The following DLG2 variants were observed in gnomAD, a reference collection of about 807,000 sequenced individuals.
DLG2 encodes the protein discs large MAGUK scaffold protein 2.
DLG2 carries 45 observed loss-of-function variants against 132.5 expected under a neutral mutation model. The observed-to-expected ratio is 0.34, with a 90% CI of 0.27 to 0.44. The LOEUF is 0.44. DLG2 is among the 20% of genes least tolerant of loss of function. DLG2 has a pLI of 1.00. For missense variants in DLG2, 1,045 were observed against 1,196.9 expected (o/e 0.87, Z 1.87); for synonymous variants, 424 against 419.6 (o/e 1.01, Z -0.13).
intron 7 of DLG2, among the ~76,000 whole-genome samples, chr11:84,530,966 C>G (rs1399148898): frequency 6.6e-6 from 1 of 151,862 alleles, no homozygotes; most frequent in African/African-American, 2.4e-5. Context: ...GAGGCCAAGG[C>G]GGGAGGATCA....
intron 11 of DLG2, among the ~76,000 whole-genome samples, chr11:84,045,948 G>T (rs1323731368): frequency 6.6e-6 from 1 of 151,416 alleles, no homozygotes; most frequent in Non-Finnish European, 1.5e-5. Flanking sequence ...GAAAATTTTA[G>T]AGGAATTCTA....
intron 3 of DLG2, among the ~76,000 whole-genome samples, chr11:85,350,260 T>A (rs889251067): frequency 1.3e-5 from 2 of 152,196 alleles, no homozygotes; most frequent in African/African-American, 4.8e-5. Context: ...GATGCAGTTG[T>A]TTTTTTCTTG....
intron 2 of DLG2, among the ~76,000 whole-genome samples, chr11:85,614,876 A>G (rs1325872284): frequency 1.3e-5 from 2 of 152,242 alleles, no homozygotes; most frequent in Non-Finnish European, 2.9e-5. Flanking sequence ...AAGTGCTGGA[A>G]CCACAATGCA....
chr11:85,178,560 A>G (rs1374446110), intron 4 of DLG2, among the ~76,000 whole-genome samples: 1 of 152,004 alleles, frequency 6.6e-6, no homozygotes, highest in Non-Finnish European at 1.5e-5. Flanking sequence ...AAAAGGAATG[A>G]AAAAGATCTT....
At chr11:84,168,108 G>A (rs75741189) in intron 8 of DLG2, among the ~76,000 whole-genome samples, 1,843 of 152,308 alleles carry the variant, frequency 0.012, 33 homozygotes, top group African/African-American at 0.042. Flanking sequence ...GTCAAGAACA[G>A]TGACAGATAC....
chr11:84,247,750 C>T (rs147941397), intron 8 of DLG2, among the ~76,000 whole-genome samples: 1 of 152,102 alleles, frequency 6.6e-6, no homozygotes, highest in Non-Finnish European at 1.5e-5. Context: ...CATAAAAATT[C>T]CCTTTGGCCC....
At chr11:84,244,737 G>A (rs992094701) in intron 8 of DLG2, among the ~76,000 whole-genome samples, 5 of 152,064 alleles carry the variant, frequency 3.3e-5, no homozygotes, top group Non-Finnish European at 5.9e-5. Context: ...AATGTCCATG[G>A]GAAAAACCAC....
chr11:83,719,046 T>G (rs2087602872), intron 18 of DLG2, among the ~76,000 whole-genome samples: 1 of 152,312 alleles, frequency 6.6e-6, no homozygotes, highest in East Asian at 1.9e-4. Flanking sequence ...TCAGACCTAC[T>G]GAGTGAGAAT....
At chr11:84,626,979 C>G (rs1468310946) in intron 6 of DLG2, among the ~76,000 whole-genome samples, 1 of 151,976 alleles carries the variant, frequency 6.6e-6, no homozygotes, top group Non-Finnish European at 1.5e-5. Context: ...TCAAGTGATT[C>G]TCCTGCCCCA....
chr11:85,217,785 T>C (rs776560843), intron 4 of DLG2, among the ~76,000 whole-genome samples: 33 of 152,358 alleles, frequency 2.2e-4, no homozygotes, highest in Middle Eastern at 3.4e-3. Flanking sequence ...CCTATGTATC[T>C]GGTTTATTTA....
At chr11:84,678,264 C>T (rs925351119) in intron 6 of DLG2, among the ~76,000 whole-genome samples, 1 of 152,088 alleles carries the variant, frequency 6.6e-6, no homozygotes, top group Non-Finnish European at 1.5e-5. Flanking sequence ...ATGACACACA[C>T]TTCTTTTCTG....
chr11:83,903,351 C>G (rs12294501), intron 15 of DLG2, among the ~76,000 whole-genome samples: 14,651 of 151,958 alleles, frequency 0.096, 826 homozygotes, highest in Middle Eastern at 0.2. Flanking sequence ...CATTTTATAT[C>G]AAGAATATTT....
At chr11:85,506,000 T>G (rs1417619163) in intron 3 of DLG2, among the ~76,000 whole-genome samples, 1 of 152,260 alleles carries the variant, frequency 6.6e-6, no homozygotes, top group Non-Finnish European at 1.5e-5. Flanking sequence ...TTCTAATTTA[T>G]TTGCATAGAG....
At chr11:83,935,378 A>G (rs1351615764) in intron 14 of DLG2, among the ~76,000 whole-genome samples, 1 of 152,196 alleles carries the variant, frequency 6.6e-6, no homozygotes, top group Admixed American at 6.5e-5. Context: ...AAAAGTAATT[A>G]GGGGATAAAA....
At chr11:84,707,122 C>T (rs2059867765) in intron 6 of DLG2, among the ~76,000 whole-genome samples, 1 of 151,630 alleles carries the variant, frequency 6.6e-6, no homozygotes, top group Non-Finnish European at 1.5e-5. Flanking sequence ...GAGGGTCTGG[C>T]AACATCCAAA....
At chr11:84,855,432 G>A (rs2082654280) in intron 6 of DLG2, among the ~76,000 whole-genome samples, 1 of 152,034 alleles carries the variant, frequency 6.6e-6, no homozygotes, top group African/African-American at 2.4e-5. Flanking sequence ...CAGCAGACAG[G>A]CATGAGACAA....
chr11:84,915,802 G>T (rs1486387417), intron 6 of DLG2, among the ~76,000 whole-genome samples: 1 of 151,388 alleles, frequency 6.6e-6, no homozygotes, highest in Non-Finnish European at 1.5e-5. Flanking sequence ...TTTCTGAACG[G>T]CTAACATTCA....
intron 11 of DLG2, among the ~76,000 whole-genome samples, chr11:84,053,047 A>C (rs923742132): frequency 6.6e-6 from 1 of 152,120 alleles, no homozygotes; most frequent in Non-Finnish European, 1.5e-5. Context: ...GGATAAATAA[A>C]TGTGGTATAT....
At chr11:83,674,069 A>C (rs891121821) in intron 18 of DLG2, among the ~76,000 whole-genome samples, 2 of 152,186 alleles carry the variant, frequency 1.3e-5, no homozygotes, top group African/African-American at 4.8e-5. Flanking sequence ...TGTAGCCGTA[A>C]GTTCTTTAAA....
Sources: gnomAD v4.1 joint callset for allele counts (sites outside exome capture counted in the v4.1 genomes callset) on GRCh38, gnomAD v4.1.1 for gene constraint, MANE v1.5 for transcripts, NCBI Gene and HGNC (gene_info 2026-07-23, HGNC 2026-07-21) for gene names.